PKNOX2: variants seen among roughly 807,000 people sequenced by gnomAD.
PKNOX2 encodes PBX/knotted 1 homeobox 2.
A neutral mutation model predicts 53.1 loss-of-function variants in PKNOX2; 14 were observed. The observed-to-expected ratio is 0.26, with a 90% confidence interval of 0.17 to 0.41. The LOEUF is 0.41. Among genes scored for constraint, PKNOX2 ranks in the 10% least tolerant of loss-of-function variants. The probability of loss-of-function intolerance (pLI) is 1.00; values close to 1 mark genes in which losing one functional copy is unlikely to be tolerated. For missense variants in PKNOX2, 496 were observed against 602.8 expected (o/e 0.82, Z 1.85); for synonymous variants, 257 against 242.8 (o/e 1.06, Z -0.54).
intron 2 of PKNOX2, among the ~76,000 whole-genome samples, chr11:125,284,090 A>G (rs1416040706): frequency 6.6e-6 from 1 of 152,204 alleles, no homozygotes. Flanking sequence ...GTAGATGGAA[A>G]TAGTAACTGA....
At chr11:125,204,224 G>A (rs541928984) in intron 1 of PKNOX2, among the ~76,000 whole-genome samples, 1 of 152,294 alleles carries the variant, frequency 6.6e-6, no homozygotes, top group Non-Finnish European at 1.5e-5. Context: ...TGGCAAGTTG[G>A]GTAGCAGGGC....
At chr11:125,219,280 A>T (rs1406482549) in intron 1 of PKNOX2, among the ~76,000 whole-genome samples, 1 of 117,452 alleles carries the variant, frequency 8.5e-6, no homozygotes, top group Non-Finnish European at 1.5e-5. Flanking sequence ...CTAATAATAC[A>T]AAAAAAAATT....
Position 125,429,977 on chromosome 11 carries a change from G to C in PKNOX2, c.1028G>C (p.Arg343Pro). ...CCTCTGGGCAGGTTCATCAATGCCC[G>C]GAGGCGCATCCTGCAGCCCATGCTT... ...LQVNNWFINA[R>P]RRILQPMLDA... Residue 343 changes from arginine to proline, a missense_variant, in exon 12 of 13, where the codon CGG becomes CCG. Around this residue, in one of 5 missense-constraint regions of PKNOX2, gnomAD observed 36 missense variants for 81.9 expected, o/e 0.44. Transcript: ENST00000298282. The C allele has an allele frequency of 6.2e-7, 1 of 1,613,972 alleles. No individual in the cohort carries two copies. The highest frequency in any genetic ancestry group is 8.5e-7 in the Non-Finnish European group (1 of 1,179,926).
At chr11:125,251,160 T>C (rs575193280) in intron 2 of PKNOX2, among the ~76,000 whole-genome samples, 77 of 152,384 alleles carry the variant, frequency 5.1e-4, no homozygotes, top group African/African-American at 1.8e-3. Flanking sequence ...CTTGCCACCC[T>C]GCTGTCTGTT....
intron 4 of PKNOX2, among the ~76,000 whole-genome samples, chr11:125,360,146 C>CAA (rs547553077): frequency 2.5e-5 from 2 of 80,626 alleles, no homozygotes; most frequent in African/African-American, 4.3e-5. Context: ...AACTCCATCT[C>CAA]AAAAAAAAAA....
At chr11:125,199,556 T>C (rs1243886399) in intron 1 of PKNOX2, among the ~76,000 whole-genome samples, 1 of 152,188 alleles carries the variant, frequency 6.6e-6, no homozygotes, top group African/African-American at 2.4e-5. Flanking sequence ...TAAGATTTCC[T>C]GGGTTGGCCA....
intron 1 of PKNOX2, among the ~76,000 whole-genome samples, chr11:125,224,080 C>T (rs1941461384): frequency 6.6e-6 from 1 of 152,258 alleles, no homozygotes; most frequent in Non-Finnish European, 1.5e-5. Flanking sequence ...ACGCTGCTAG[C>T]TCTTCAGTCC....
intron 2 of PKNOX2, among the ~76,000 whole-genome samples, chr11:125,316,659 A>C (rs1024543180): frequency 6.6e-6 from 1 of 152,262 alleles, no homozygotes; most frequent in Non-Finnish European, 1.5e-5. Flanking sequence ...ATGCCTTAAA[A>C]AACAACATAC....
chr11:125,171,871 C>T lies in PKNOX2; in HGVS notation c.-201+7095C>T, dbSNP rs183382405. Among the ~76,000 whole-genome samples the T allele has an allele frequency of 4.4e-4, 67 of 152,290 alleles. 2 individuals carry two copies. The East Asian group carries it at 0.011, about 25-fold the overall frequency. On this transcript the variant is annotated intron_variant, in intron 1 of 12. Transcript: ENST00000298282. ...GGGGATGAGGGGTGTCTGGGGTTAA[C>T]AGTAGAGAGGGCACATACAATACAC...
chr11:125,320,288 C>G (rs1949446953), intron 2 of PKNOX2, among the ~76,000 whole-genome samples: 1 of 152,122 alleles, frequency 6.6e-6, no homozygotes. Flanking sequence ...TCTAACACAG[C>G]AGAGATTCAG....
chr11:125,367,268 T>C (rs541026938), intron 4 of PKNOX2, among the ~76,000 whole-genome samples: 1 of 152,308 alleles, frequency 6.6e-6, no homozygotes, highest in South Asian at 2.1e-4. Flanking sequence ...GCCCTAAATA[T>C]TTGTTATGGC....
chr11:125,430,258 C>A, intron 12 of PKNOX2, 117 bp downstream of exon 12: 2 of 1,224,270 alleles, frequency 1.6e-6, no homozygotes, highest in Non-Finnish European at 1.1e-6. Flanking sequence ...CCCATCGCTG[C>A]CATGCCACAG....
At chr11:125,399,633 G>C (rs768072773) in intron 7 of PKNOX2, among the ~76,000 whole-genome samples, 2 of 152,076 alleles carry the variant, frequency 1.3e-5, no homozygotes, top group South Asian at 2.1e-4. Flanking sequence ...AGAATGCATC[G>C]GTCAGGAAAA....
intron 1 of PKNOX2, among the ~76,000 whole-genome samples, chr11:125,221,568 C>T (rs1244551719): frequency 1.3e-5 from 2 of 152,148 alleles, no homozygotes; most frequent in African/African-American, 4.8e-5. Flanking sequence ...TACGGCCACA[C>T]TCTTGGTTTT....
At chr11:125,403,590 C>A (rs1460296096) in intron 7 of PKNOX2, among the ~76,000 whole-genome samples, 1 of 152,182 alleles carries the variant, frequency 6.6e-6, no homozygotes, top group African/African-American at 2.4e-5. Context: ...AAGACCCTGG[C>A]TCAAAGTCAC....
At chr11:125,212,755 C>A (rs190845411) in intron 1 of PKNOX2, among the ~76,000 whole-genome samples, 134 of 152,056 alleles carry the variant, frequency 8.8e-4, no homozygotes, top group African/African-American at 3.0e-3. Context: ...TGGAGGTCCT[C>A]TTGACCGGTT....
At chr11:125,254,318 G>A (rs1298429880) in intron 2 of PKNOX2, among the ~76,000 whole-genome samples, 1 of 152,246 alleles carries the variant, frequency 6.6e-6, no homozygotes, top group East Asian at 1.9e-4. Flanking sequence ...GGGGCGATGG[G>A]GTTCCTGGAG....
In PKNOX2 at chr11:125,387,182, C is replaced by T. The variant is rs570626129; in HGVS notation, c.399+1460C>T. On this transcript the variant is annotated intron_variant, in intron 6 of 12. Transcript: ENST00000298282. ...GCTGATCAGAACCATAGACTGCAGT[C>T]GGGGAGCAGATCCTTACAACCTAGA... Among the ~76,000 whole-genome samples the T allele has an allele frequency of 2.6e-4, 40 of 152,230 alleles. 2 individuals carry two copies. In the South Asian group the frequency reaches 6.6e-3, roughly 25 times the overall value.
intron 2 of PKNOX2, among the ~76,000 whole-genome samples, chr11:125,241,004 T>G (rs2135597874): frequency 6.6e-6 from 1 of 152,372 alleles, no homozygotes; most frequent in South Asian, 2.1e-4. Flanking sequence ...TTGCGATAGC[T>G]GGAGCCTAAT....
Sources: allele counts gnomAD v4.1 joint callset (sites outside exome capture counted in the v4.1 genomes callset), GRCh38; gene constraint gnomAD v4.1.1; regional missense constraint gnomAD v4.1.1; transcripts MANE v1.5; gene names NCBI Gene and HGNC (gene_info 2026-07-23, HGNC 2026-07-21).